SLC38A6: variants seen among roughly 807,000 people sequenced by gnomAD.
SLC38A6 encodes the protein solute carrier family 38 member 6.
SLC38A6 carries 73 observed loss-of-function variants against 65.0 expected under a neutral mutation model. The ratio of observed to expected loss-of-function variants is 1.12; its 90% CI spans 0.93 to 1.37. The LOEUF is 1.37. SLC38A6 is among the 40% of genes most tolerant of loss of function. The pLI, the probability that SLC38A6 is intolerant of heterozygous loss-of-function variation, is 0.00. For synonymous variants in SLC38A6, 183 were observed against 178.8 expected (o/e 1.02, Z -0.19); for missense variants, 561 against 531.1 (o/e 1.06, Z -0.55).
At chr14:61,029,516 G>T (rs1478523822) in intron 5 of SLC38A6, among the ~76,000 whole-genome samples, 1 of 152,152 alleles carries the variant, frequency 6.6e-6, no homozygotes, top group African/African-American at 2.4e-5. Context: ...TTAAATTGAA[G>T]TTCTGACTAC....
intron 10 of SLC38A6, among the ~76,000 whole-genome samples, chr14:61,045,060 C>T (rs184094702): frequency 6.6e-6 from 1 of 151,956 alleles, no homozygotes; most frequent in African/African-American, 2.4e-5. Context: ...AAAATCTTAT[C>T]CAGATAATGT....
rs908815231 is a variant in SLC38A6, at chr14:61,052,606, GAAAC to G, written c.*182_*185del. 2.4e-5 allele frequency: 19 copies of G among 795,924 alleles called. No homozygotes were observed. The highest frequency in any genetic ancestry group is 1.8e-4 in the African/African-American group (10 of 54,654). The allele number at this position is 795,924 out of a possible 1,614,324, so 49.3% of individuals were successfully genotyped here. ...AGTGTGGCAGTTTTAATCAAAAAAA[GAAAC>G]AAACTCGAAATGCTCTTAAATATAT... On this transcript the variant is annotated 3_prime_UTR_variant, in exon 16 of 16. Transcript: ENST00000267488.
chr14:61,016,095 A>G (rs1233240099), intron 4 of SLC38A6, 139 bp downstream of exon 4: 2 of 541,118 alleles, frequency 3.7e-6, no homozygotes, highest in Non-Finnish European at 6.3e-6. Context: ...AGAGAGAATG[A>G]TAGGAGCAGG....
chr14:61,043,383 TTTA>T, intron 9 of SLC38A6, 64 bp from the exon 10 acceptor site: 1 of 1,302,504 alleles, frequency 7.7e-7, no homozygotes, highest in Non-Finnish European at 1.1e-6. Flanking sequence ...ATTCATCATT[TTTA>T]TTGATATATT....
At chr14:61,023,589 AT>A (rs2040457287) in intron 5 of SLC38A6, among the ~76,000 whole-genome samples, 1 of 1,322 alleles carries the variant, frequency 7.6e-4, no homozygotes, top group Non-Finnish European at 0.026. Context: ...AATAATAATA[AT>A]ATATATATAT....
intron 6 of SLC38A6, among the ~76,000 whole-genome samples, chr14:61,031,903 A>G (rs2139675083): frequency 6.6e-6 from 1 of 152,008 alleles, no homozygotes; most frequent in Non-Finnish European, 1.5e-5. Context: ...ACTTAATTTA[A>G]CTTCTTTTGA....
chr14:61,029,091 G>A (rs1405423437), intron 5 of SLC38A6, among the ~76,000 whole-genome samples: 2 of 151,046 alleles, frequency 1.3e-5, no homozygotes, highest in African/African-American at 2.4e-5. Flanking sequence ...AGGAGAAAGT[G>A]AAATGTTTCC....
chr14:61,016,142 G>T (rs921240202), intron 4 of SLC38A6, among the ~76,000 whole-genome samples, 186 bp downstream of exon 4: 2 of 152,150 alleles, frequency 1.3e-5, no homozygotes, highest in African/African-American at 4.8e-5. Flanking sequence ...TCCTAAAAAT[G>T]CATCAATACA....
chr14:61,037,414 C>A (rs75709211), intron 7 of SLC38A6, among the ~76,000 whole-genome samples: 6,605 of 152,228 alleles, frequency 0.043, 218 homozygotes, highest in African/African-American at 0.09. Flanking sequence ...CCTTTCCTTA[C>A]AGTGTACCAT....
chr14:61,067,087 A>G (rs182784617), intron 15 of SLC38A6, among the ~76,000 whole-genome samples: 2 of 152,374 alleles, frequency 1.3e-5, no homozygotes, highest in African/African-American at 2.4e-5. Flanking sequence ...AAAATTATAC[A>G]TGTATTTTTA....
chr14:61,043,394 A>G (rs2041928778), intron 9 of SLC38A6, 56 bp from the exon 10 acceptor site: 1 of 1,349,140 alleles, frequency 7.4e-7, no homozygotes, highest in Admixed American at 2.2e-5. Flanking sequence ...TTATTGATAT[A>G]TTCTGAAATT....
chr14:61,052,613 A>T lies in SLC38A6; in HGVS notation c.*184A>T. On this transcript the variant is annotated 3_prime_UTR_variant, in exon 16 of 16. Transcript: ENST00000267488. Reference sequence around the variant, plus strand: ...CAGTTTTAATCAAAAAAAGAAACAAACTCGAAATGCTCTTAAATATATTGG... The same window carrying T: ...CAGTTTTAATCAAAAAAAGAAACAATCTCGAAATGCTCTTAAATATATTGG... The T allele has an allele frequency of 1.4e-6, 1 of 695,510 alleles. No homozygotes were observed. 43.1% of individuals were successfully genotyped at this position (695,510 alleles called of 1,614,324 possible).
intron 3 of SLC38A6, among the ~76,000 whole-genome samples, chr14:61,011,326 A>G (rs2039548623): frequency 1.3e-5 from 2 of 152,172 alleles, no homozygotes; most frequent in African/African-American, 4.8e-5. Context: ...TCATCTGCAA[A>G]CAGGGACAAT....
At chr14:60,984,323 G>A (rs1047477506) in intron 2 of SLC38A6, among the ~76,000 whole-genome samples, 4 of 152,106 alleles carry the variant, frequency 2.6e-5, no homozygotes, top group African/African-American at 9.7e-5. Flanking sequence ...GAAGTAGAGG[G>A]AGGAAGGGAA....
intron 13 of SLC38A6, among the ~76,000 whole-genome samples, 158 bp downstream of exon 13, chr14:61,050,794 C>A (rs1361963389): frequency 6.6e-6 from 1 of 152,046 alleles, no homozygotes; most frequent in African/African-American, 2.4e-5. Flanking sequence ...GCATATGGCC[C>A]CGTAAAAGCA....
At chr14:61,067,234 G>A (rs2043050090) in intron 15 of SLC38A6, among the ~76,000 whole-genome samples, 1 of 152,074 alleles carries the variant, frequency 6.6e-6, no homozygotes, top group Non-Finnish European at 1.5e-5. Context: ...CTCAATATTT[G>A]ACTGGGTTTT....
intron 13 of SLC38A6, 90 bp from the exon 14 acceptor site, chr14:61,051,697 A>AATATC: frequency 6.8e-7 from 1 of 1,477,662 alleles, no homozygotes; most frequent in South Asian, 1.2e-5. Context: ...AGGAGGCAAA[A>AATATC]ATATCATGGT....
rs750823621 is a variant in SLC38A6 at position 60,981,668 on chromosome 14, A to G, written c.105+286A>G. ...CGAACATGATGGGATGAGCGGCCCTAGGATTATGTACTCACTGCTGTTAGT... is the reference window on the plus strand; with the variant it reads ...CGAACATGATGGGATGAGCGGCCCTGGGATTATGTACTCACTGCTGTTAGT... On this transcript the variant is annotated intron_variant, in intron 1 of 15. Transcript: ENST00000267488. The G allele has an allele frequency of 6.4e-6, 9 of 1,409,564 alleles. No individual in the cohort carries two copies. The African/African-American group carries it at 8.5e-5, about 13-fold the overall frequency. 87.3% of individuals were successfully genotyped at this position (1,409,564 alleles called of 1,614,324 possible). A position where few individuals can be genotyped will look rare whatever the true frequency, so the allele number is the denominator to read the frequency against.
intron 3 of SLC38A6, among the ~76,000 whole-genome samples, chr14:60,990,859 T>C (rs2037827527): frequency 6.6e-6 from 1 of 152,102 alleles, no homozygotes; most frequent in African/African-American, 2.4e-5. Flanking sequence ...CATTTTTTAA[T>C]TTTTTGCAGA....
Sources: gnomAD v4.1 joint callset for allele counts (sites outside exome capture counted in the v4.1 genomes callset) on GRCh38, gnomAD v4.1.1 for gene constraint, MANE v1.5 for transcripts, NCBI Gene and HGNC (gene_info 2026-07-23, HGNC 2026-07-21) for gene names.